Variants in PPP1R9B observed in about 807,000 individuals in gnomAD.
PPP1R9B encodes the protein protein phosphatase 1 regulatory subunit 9B.
Under a neutral mutation model 75.8 loss-of-function variants are expected in PPP1R9B, and 17 were observed. The observed-to-expected ratio is 0.22, with a 90% CI of 0.15 to 0.34. PPP1R9B has a LOEUF of 0.34. Ranked by LOEUF, PPP1R9B falls within the 10% of genes least tolerant of loss-of-function variation. The pLI is 1.00. For synonymous variants in PPP1R9B, 509 were observed against 535.4 expected (o/e 0.95, Z 0.68); for missense variants, 875 against 1,196.0 (o/e 0.73, Z 3.96).
At chr17:50,145,022 C>T in intron 2 of PPP1R9B, 91 bp downstream of exon 2, 4 of 1,482,278 alleles carry the variant, frequency 2.7e-6, no homozygotes, top group South Asian at 2.5e-5. Flanking sequence ...CTGTGGGAGC[C>T]CCTGAGGGCA....
At chr17:50,140,675 T>G (rs1369659955) in intron 4 of PPP1R9B, among the ~76,000 whole-genome samples, 1 of 152,014 alleles carries the variant, frequency 6.6e-6, no homozygotes, top group Admixed American at 6.5e-5. Flanking sequence ...GGAGAGGAAA[T>G]AGTGGAACTT....
chr17:50,143,027 GCTTCCTCCAGGAAGC>G (rs1465314243), intron 3 of PPP1R9B, among the ~76,000 whole-genome samples: 2 of 152,156 alleles, frequency 1.3e-5, no homozygotes, highest in African/African-American at 4.8e-5. Context: ...CTCCAGCACT[GCTTCCTCCAGGAAGC>G]CTTCCCTAAT....
intron 7 of PPP1R9B, among the ~76,000 whole-genome samples, chr17:50,137,750 G>A (rs1407148670): frequency 6.6e-6 from 1 of 152,222 alleles, no homozygotes; most frequent in Non-Finnish European, 1.5e-5. Flanking sequence ...AGGGGAGGCA[G>A]GATACTGCAA....
rs1342995779 is a variant in PPP1R9B at position 50,136,088 on chromosome 17, C to T, written c.2183G>A (p.Gly728Asp). ...ERMEKLEGYWGEAQSLCQAVD... is the reference protein window; with the variant it reads ...ERMEKLEGYWDEAQSLCQAVD... ...AGCCTGGCACAGGCTCTGGGCCTCA[C>T]CCCAGTAGCCTTCCAGTTTCTCCAT... The change falls in exon 8 of 10, where the codon GGT becomes GAT. Residue 728 changes from glycine (G) to aspartate (D), a missense_variant. Coordinates refer to ENST00000612501, the MANE Select transcript of PPP1R9B (RefSeq NM_032595.5). 5.6e-6 allele frequency: 9 copies of T among 1,612,116 alleles called. No individual in the cohort carries two copies. The highest frequency in any genetic ancestry group is 6.8e-6 in the Non-Finnish European group (8 of 1,179,822).
chr17:50,148,908 G>A (rs886096124), intron 1 of PPP1R9B, among the ~76,000 whole-genome samples: 1 of 152,160 alleles, frequency 6.6e-6, no homozygotes, highest in African/African-American at 2.4e-5. Flanking sequence ...GGCAGCAGGC[G>A]GAGGAACCTG....
rs566512020 is a variant in PPP1R9B, at chr17:50,139,003, G to T, written c.2073+260C>A. Among the ~76,000 whole-genome samples, 1 of 152,220 alleles carries T rather than the reference G, an allele frequency of 6.6e-6. No homozygotes were observed. Among genetic ancestry groups the T allele is most frequent in the Non-Finnish European group, 1.5e-5 (1 of 68,044 alleles). ...GTGTTATCTCATTTAATCCCACAAC[G>T]ATCCTGTGGTGTTGGTGCTATTACG... On this transcript the variant is annotated intron_variant, in intron 7 of 9. Transcript: ENST00000612501. This position sits in a 1 kb window ranked among gnomAD's most constrained non-coding sequence, Gnocchi z 5.0.
Position 50,142,926 on chromosome 17 carries a change from G to C in PPP1R9B, c.1625+672C>G, listed in dbSNP as rs1346824096. 1.3e-5 allele frequency among the ~76,000 whole-genome samples: 2 copies of C among 152,132 alleles called. No homozygotes were observed. Among genetic ancestry groups the C allele is most frequent in the Non-Finnish European group, 2.9e-5 (2 of 68,012 alleles). ...CCTGGCCCCTGCTCTCTATGCCCCA[G>C]CCACACCTGCCTGCTCATGGCGCCA... On this transcript the variant is annotated intron_variant, in intron 3 of 9. Transcript: ENST00000612501. The surrounding 1 kb of genome is among the most constrained non-coding windows in gnomAD (Gnocchi z 4.1).
chr17:50,145,085 C>G, intron 2 of PPP1R9B, 28 bp downstream of exon 2: 1 of 1,612,160 alleles, frequency 6.2e-7, no homozygotes, highest in Non-Finnish European at 8.5e-7. Flanking sequence ...CAGCTGTGCG[C>G]AAGTGACGTG....
intron 3 of PPP1R9B, 85 bp downstream of exon 3, chr17:50,143,513 C>T (rs1912439576): frequency 3.3e-6 from 5 of 1,533,446 alleles, no homozygotes; most frequent in Non-Finnish European, 4.5e-6. Context: ...AGGCCCGCCC[C>T]ACCCCCTGCT....
At chr17:50,147,524 C>T (rs560963836) in intron 1 of PPP1R9B, among the ~76,000 whole-genome samples, 25 of 152,322 alleles carry the variant, frequency 1.6e-4, no homozygotes, top group African/African-American at 5.5e-4. Flanking sequence ...ACCAGGGAGC[C>T]GGGAAGCACT....
At chr17:50,140,716 C>A (rs1019141287) in intron 4 of PPP1R9B, among the ~76,000 whole-genome samples, 22 of 152,210 alleles carry the variant, frequency 1.4e-4, no homozygotes, top group African/African-American at 5.3e-4. Flanking sequence ...CCGGTGGCCA[C>A]CCACATCCTG....
At chr17:50,135,795 G>C in intron 8 of PPP1R9B, 146 bp from the exon 9 acceptor site, 1 of 886,942 alleles carries the variant, frequency 1.1e-6, no homozygotes, top group South Asian at 1.7e-5. Context: ...AAAGCCTCTG[G>C]GGGTCTGGCT....
At position 50,143,698 on chromosome 17, in the gene PPP1R9B, T is replaced by C; in HGVS notation, c.1525A>G (p.Ser509Gly). The C allele has an allele frequency of 6.2e-7, 1 of 1,613,932 alleles. No individual in the cohort carries two copies. The highest frequency in any genetic ancestry group is 1.7e-5 in the Admixed American group (1 of 60,028). Residue 509 changes from serine (S) to glycine (G), a missense_variant, in exon 3 of 10, where the codon AGC becomes GGC. By Grantham distance (56) the Ser-to-Gly change is moderately conservative. Coordinates refer to ENST00000612501, the MANE Select transcript of PPP1R9B (RefSeq NM_032595.5). ...LEKDSEGLGI[S>G]IIGMGAGADM... is the part of the protein sequence containing the mutation. Reference sequence around the variant, plus strand: ...GCCCCGGCGCCCATGCCGATGATGCTGATGCCCAGGCCCTCGGAGTCTGTG... The same window carrying C: ...GCCCCGGCGCCCATGCCGATGATGCCGATGCCCAGGCCCTCGGAGTCTGTG...
intron 4 of PPP1R9B, among the ~76,000 whole-genome samples, chr17:50,140,898 G>T (rs1031019864): frequency 6.6e-5 from 10 of 152,114 alleles, no homozygotes; most frequent in African/African-American, 1.9e-4. Flanking sequence ...TGGTCGGGGT[G>T]GGGGGCATGA....
Position 50,139,203 on chromosome 17 carries a change from G to A in PPP1R9B, c.2073+60C>T. ...GCATGTGCAGGTGTGAGGGTAGGGG[G>A]ACCCTGCTCCTCAACACACACATGC... On this transcript the variant is annotated intron_variant, in intron 7 of 9. Transcript: ENST00000612501. This position sits in a 1 kb window ranked among gnomAD's most constrained non-coding sequence, Gnocchi z 5.0. The A allele has an allele frequency of 6.3e-7, 1 of 1,585,608 alleles. No homozygotes were observed. Among genetic ancestry groups the A allele is most frequent in the Non-Finnish European group, 8.7e-7 (1 of 1,154,042 alleles).
chr17:50,137,089 T>G (rs955405171), intron 7 of PPP1R9B, among the ~76,000 whole-genome samples: 1 of 152,130 alleles, frequency 6.6e-6, no homozygotes, highest in African/African-American at 2.4e-5. Flanking sequence ...TTACGTGTGC[T>G]GTCCCCTCTG....
At chr17:50,136,237 G>A (rs1006852471) in intron 7 of PPP1R9B, 40 bp from the exon 8 acceptor site, 39 of 1,552,382 alleles carry the variant, frequency 2.5e-5, no homozygotes, top group Non-Finnish European at 3.3e-5. Flanking sequence ...GTGGGGGCCA[G>A]CAGGAGCCAA....
In PPP1R9B at chr17:50,143,591, T is replaced by C. The variant is rs185651405; in HGVS notation, c.1625+7A>G. 1.0e-3 allele frequency: 1,624 copies of C among 1,613,332 alleles called. 17 individuals carry two copies. In the African/African-American group the frequency reaches 0.019, roughly 19 times the overall value. On this transcript the variant is annotated splice_region_variant and intron_variant, in intron 3 of 9. Transcript: ENST00000612501. ...AAGGGTCAGGCGAGACTGGGGAGGA[T>C]TGGTACCTGCCATCCCGATGGGCCG...
intron 1 of PPP1R9B, chr17:50,145,878 TGGA>T (rs1351866640): frequency 2.0e-5 from 3 of 153,140 alleles, no homozygotes; most frequent in Non-Finnish European, 4.4e-5. Context: ...TCTATCCCCG[TGGA>T]GAAGAGGCAG....
Sources: allele counts gnomAD v4.1 joint callset (sites outside exome capture counted in the v4.1 genomes callset), GRCh38; gene constraint gnomAD v4.1.1; non-coding constraint Gnocchi (gnomAD v3.1); transcripts MANE v1.5; gene names NCBI Gene and HGNC (gene_info 2026-07-23, HGNC 2026-07-21).